PCDHGA9: variants seen among roughly 807,000 people sequenced by gnomAD.
PCDHGA9 encodes the protein protocadherin gamma subfamily A, 9, also known as protocadherin gamma-A9.
A neutral mutation model predicts 62.5 loss-of-function variants in PCDHGA9; 37 were observed. The observed-to-expected ratio is 0.59, with a 90% confidence interval of 0.46 to 0.78. PCDHGA9 has a LOEUF of 0.78. PCDHGA9 is among the 30% of genes least tolerant of loss of function. PCDHGA9 has a pLI of 0.00. For missense variants in PCDHGA9, 1,138 were observed against 1,166.2 expected (o/e 0.98, Z 0.35); for synonymous variants, 459 against 484.6 (o/e 0.95, Z 0.69).
intron 1 of PCDHGA9, chr5:141,421,203 G>A (rs779780797): frequency 2.6e-6 from 4 of 1,522,494 alleles, no homozygotes; most frequent in African/African-American, 1.4e-5. Context: ...TCGAGAAACC[G>A]CGGAATATCG....
At chr5:141,423,557 G>C in intron 1 of PCDHGA9, 2 of 1,613,654 alleles carry the variant, frequency 1.2e-6, no homozygotes, top group Non-Finnish European at 1.7e-6. Context: ...CCCAACTATG[G>C]GGACACGCTC....
In PCDHGA9 at chr5:141,433,177, A is replaced by T; in HGVS notation, c.2424+27801A>T. 1.9e-6 allele frequency: 3 copies of T among 1,608,174 alleles called. No homozygotes were observed. The Middle Eastern group carries it at 5.0e-4, about 267-fold the overall frequency. Reference sequence around the variant, plus strand: ...TATTTTCTAAAGACAGTCATGGGTTAATTGAGGTGAGTTTATATCAAATCT... The same window carrying T: ...TATTTTCTAAAGACAGTCATGGGTTTATTGAGGTGAGTTTATATCAAATCT... On this transcript the variant is annotated intron_variant, in intron 1 of 3. Coordinates refer to ENST00000573521, the MANE Select transcript of PCDHGA9 (RefSeq NM_018921.3).
chr5:141,458,464 G>A (rs1035826436), intron 1 of PCDHGA9, among the ~76,000 whole-genome samples: 30 of 152,030 alleles, frequency 2.0e-4, no homozygotes, highest in Admixed American at 9.8e-4. Flanking sequence ...TTAAAATACC[G>A]TACAACTGCA....
intron 1 of PCDHGA9, among the ~76,000 whole-genome samples, chr5:141,406,629 A>G (rs2094832755): frequency 6.6e-6 from 1 of 152,188 alleles, no homozygotes; most frequent in Non-Finnish European, 1.5e-5. Context: ...TCATATCTTC[A>G]AAGGTCTTAA....
intron 2 of PCDHGA9, among the ~76,000 whole-genome samples, chr5:141,502,857 ACT>A (rs1332453483): frequency 7.7e-5 from 7 of 91,446 alleles, no homozygotes; most frequent in African/African-American, 4.1e-4. Flanking sequence ...CCTAACCCTG[ACT>A]CTCTGTCTTT....
chr5:141,436,298 T>C (rs1480546595), intron 1 of PCDHGA9, among the ~76,000 whole-genome samples: 3 of 152,186 alleles, frequency 2.0e-5, no homozygotes, highest in Non-Finnish European at 4.4e-5. Flanking sequence ...CATTGAGAGT[T>C]AGAGCATGAA....
chr5:141,479,572 T>G (rs956648090), intron 1 of PCDHGA9: 2 of 152,190 alleles, frequency 1.3e-5, no homozygotes, highest in African/African-American at 2.4e-5. Context: ...TGGGATGACA[T>G]CTGTGAATAG....
chr5:141,445,786 C>A (rs1189294394), intron 1 of PCDHGA9, among the ~76,000 whole-genome samples: 2 of 152,018 alleles, frequency 1.3e-5, no homozygotes, highest in Non-Finnish European at 2.9e-5. Flanking sequence ...GCTAGGGAGG[C>A]TAGAAACAGA....
At position 141,505,403 on chromosome 5, in the gene PCDHGA9, G is replaced by A; in HGVS notation, c.2494G>A (p.Gly832Ser). The A allele has an allele frequency of 6.2e-7, 1 of 1,614,186 alleles. No individual in the cohort carries two copies. The highest frequency in any genetic ancestry group is 8.5e-7 in the Non-Finnish European group (1 of 1,180,038). ...QRPGTSGSQN[G>S]DDTGTWPNNQ... ...CTACTCTCTCCCCAGCTCCCAAAAT[G>A]GCGATGACACCGGCACCTGGCCCAA... Residue 832 changes from glycine (G) to serine (S), a missense_variant, in exon 3 of 4, where the codon GGC (glycine) becomes AGC (serine). Coordinates refer to ENST00000573521, the MANE Select transcript of PCDHGA9 (RefSeq NM_018921.3).
intron 3 of PCDHGA9, among the ~76,000 whole-genome samples, chr5:141,510,369 C>G (rs1403924479): frequency 7.1e-6 from 1 of 140,308 alleles, no homozygotes; most frequent in Non-Finnish European, 1.6e-5. Context: ...TACCGAATCT[C>G]TACTCGTGCC....
At chr5:141,423,679 C>T in intron 1 of PCDHGA9, 2 of 1,487,594 alleles carry the variant, frequency 1.3e-6, no homozygotes, top group South Asian at 1.3e-5. Context: ...TATTTCTCTG[C>T]CTCCTAATTG....
chr5:141,467,781 C>T (rs2099151581), intron 1 of PCDHGA9, among the ~76,000 whole-genome samples: 1 of 152,228 alleles, frequency 6.6e-6, no homozygotes, highest in South Asian at 2.1e-4. Context: ...ACCTCAGCCT[C>T]TCAAGTAGCT....
chr5:141,441,768 T>C, intron 1 of PCDHGA9: 1 of 387,074 alleles, frequency 2.6e-6, no homozygotes. Context: ...CCTGCGCGTG[T>C]TGGTGGACGA....
chr5:141,438,579 CATACATACATACATAT>C (rs1360889040), intron 1 of PCDHGA9, among the ~76,000 whole-genome samples: 18 of 55,776 alleles, frequency 3.2e-4, no homozygotes, highest in Non-Finnish European at 5.1e-4. Context: ...GATATACATA[CATACATACATACATAT>C]ATATATATAT....
intron 1 of PCDHGA9, chr5:141,412,659 C>T (rs1013218327): frequency 7.9e-5 from 12 of 152,212 alleles, no homozygotes; most frequent in African/African-American, 2.4e-4. Flanking sequence ...TACCTAGACA[C>T]TAATATGACC....
At chr5:141,445,612 CT>C (rs996122021) in intron 1 of PCDHGA9, among the ~76,000 whole-genome samples, 1 of 151,994 alleles carries the variant, frequency 6.6e-6, no homozygotes, top group Non-Finnish European at 1.5e-5. Flanking sequence ...GGAAGGCTTT[CT>C]TTTTTTCGGA....
At position 141,431,639 on chromosome 5, in the gene PCDHGA9, C is replaced by T; in HGVS notation, c.2424+26263C>T. 1 of 1,614,262 alleles carries T rather than the reference C, an allele frequency of 6.2e-7. No homozygotes were observed. The highest frequency in any genetic ancestry group is 8.5e-7 in the Non-Finnish European group (1 of 1,180,046). On this transcript the variant is annotated intron_variant, in intron 1 of 3. Transcript: ENST00000573521. This position sits in a 1 kb window ranked among gnomAD's most constrained non-coding sequence, Gnocchi z 4.8. Reference sequence around the variant, plus strand: ...CGACAAGGCGGCCCAAGTTTTCAAACTAGATTGTAATTCAGGGACAATATC... The same window carrying T: ...CGACAAGGCGGCCCAAGTTTTCAAATTAGATTGTAATTCAGGGACAATATC...
intron 1 of PCDHGA9, chr5:141,409,995 CG>C: frequency 1.2e-6 from 2 of 1,613,308 alleles, no homozygotes; most frequent in Non-Finnish European, 1.7e-6. Context: ...GACGCCGACT[CG>C]GGACACAACG....
At chr5:141,433,358 C>CCTAT (rs3074541) in intron 1 of PCDHGA9, 148,925 of 502,316 alleles carry the variant, frequency 0.3, 18,760 homozygotes, top group East Asian at 0.33. Flanking sequence ...CTACTGTCTG[C>CCTAT]CTATCTATCT....
Sources: allele counts gnomAD v4.1 joint callset (sites outside exome capture counted in the v4.1 genomes callset), GRCh38; gene constraint gnomAD v4.1.1; non-coding constraint Gnocchi (gnomAD v3.1); transcripts MANE v1.5; gene names NCBI Gene and HGNC (gene_info 2026-07-23, HGNC 2026-07-21).